SCAPER: variants seen among roughly 807,000 people sequenced by gnomAD.
The protein encoded by SCAPER is S-phase cyclin A associated protein in the ER.
SCAPER carries 98 observed loss-of-function variants against 182.2 expected under a neutral mutation model. The ratio of observed to expected loss-of-function variants is 0.54; its 90% CI spans 0.46 to 0.64. The LOEUF (loss-of-function observed/expected upper bound fraction) is 0.64. SCAPER is among the 30% of genes least tolerant of loss of function. The pLI is 0.00. For synonymous variants in SCAPER, 605 were observed against 564.6 expected, an observed-to-expected ratio of 1.07 and a Z score of -1.01; for missense variants, 1,432 against 1,690.0, an observed-to-expected ratio of 0.85 and a Z score of 2.68.
At chr15:76,890,615 C>A (rs1275740670) in intron 1 of SCAPER, among the ~76,000 whole-genome samples, 1 of 152,080 alleles carries the variant, frequency 6.6e-6, no homozygotes, top group Non-Finnish European at 1.5e-5. Context: ...AAGACTAAAC[C>A]AGGAAGAAGC....
At chr15:76,768,529 AG>A (rs1486673507) in intron 10 of SCAPER, among the ~76,000 whole-genome samples, 1 of 152,172 alleles carries the variant, frequency 6.6e-6, no homozygotes, top group East Asian at 1.9e-4. Flanking sequence ...CAGGTGTGGG[AG>A]GAGTGAAAGG....
intron 26 of SCAPER, among the ~76,000 whole-genome samples, chr15:76,411,614 G>C (rs541397663): frequency 6.6e-6 from 1 of 152,080 alleles, no homozygotes; most frequent in Non-Finnish European, 1.5e-5. Context: ...TTGTGAACAT[G>C]TGTTTTCATT....
chr15:76,453,386 C>G (rs897161650), intron 25 of SCAPER, among the ~76,000 whole-genome samples: 2 of 152,170 alleles, frequency 1.3e-5, no homozygotes, highest in Non-Finnish European at 2.9e-5. Flanking sequence ...TGTCATGTCT[C>G]TTATTACTAC....
At position 76,669,825 on chromosome 15, in the gene SCAPER, A is replaced by G. The variant is rs2056885824; in HGVS notation, c.2509-4036T>C. ...CTCCGACATGTGATTTGATCACTACACTGAGGAAAAGAAATATTCTAAATG... is the reference window on the plus strand; with the variant it reads ...CTCCGACATGTGATTTGATCACTACGCTGAGGAAAAGAAATATTCTAAATG... On this transcript the variant is annotated intron_variant, in intron 20 of 31. Coordinates refer to ENST00000563290, the MANE Select transcript of SCAPER (RefSeq NM_020843.4). Among the ~76,000 whole-genome samples the G allele has an allele frequency of 2.6e-5, 4 of 152,200 alleles. No individual in the cohort carries two copies. The South Asian group carries it at 8.3e-4, about 32-fold the overall frequency.
intron 8 of SCAPER, among the ~76,000 whole-genome samples, chr15:76,791,495 C>G (rs936772913): frequency 6.6e-6 from 1 of 151,982 alleles, no homozygotes; most frequent in Admixed American, 6.6e-5. Context: ...CTGGCAGAAA[C>G]CAGCATTCCC....
intron 21 of SCAPER, among the ~76,000 whole-genome samples, chr15:76,655,009 A>G (rs113957933): frequency 1.8e-4 from 27 of 152,338 alleles, no homozygotes; most frequent in African/African-American, 6.5e-4. Flanking sequence ...TCTTACCTCA[A>G]AACAACAGCA....
intron 21 of SCAPER, among the ~76,000 whole-genome samples, chr15:76,659,287 T>TA: frequency 6.6e-6 from 1 of 152,102 alleles, no homozygotes; most frequent in Non-Finnish European, 1.5e-5. Flanking sequence ...CTTTTTTTTT[T>TA]AAAGTCAGGG....
intron 14 of SCAPER, among the ~76,000 whole-genome samples, chr15:76,758,158 T>A (rs1190099415): frequency 1.3e-5 from 2 of 152,164 alleles, no homozygotes; most frequent in African/African-American, 4.8e-5. Flanking sequence ...TTCAAAAAAT[T>A]ATCACCAAGA....
At chr15:76,745,802 C>G (rs2151142035) in intron 15 of SCAPER, among the ~76,000 whole-genome samples, 1 of 152,246 alleles carries the variant, frequency 6.6e-6, no homozygotes, top group Admixed American at 6.5e-5. Flanking sequence ...GACAAAATAT[C>G]ACAAAATGAG....
At chr15:76,369,142 T>C (rs771323917) in intron 29 of SCAPER, among the ~76,000 whole-genome samples, 2 of 152,208 alleles carry the variant, frequency 1.3e-5, no homozygotes, top group African/African-American at 2.4e-5. Context: ...ATAGACTAAA[T>C]GGTGGCAAAT....
chr15:76,849,566 C>T (rs1053750806), intron 4 of SCAPER, among the ~76,000 whole-genome samples: 25 of 152,222 alleles, frequency 1.6e-4, no homozygotes, highest in African/African-American at 6.0e-4. Flanking sequence ...AGCCTGGGAG[C>T]GTCAAGCCAC....
chr15:76,568,514 C>A (rs547055931), intron 23 of SCAPER, among the ~76,000 whole-genome samples: 1 of 151,936 alleles, frequency 6.6e-6, no homozygotes, highest in African/African-American at 2.4e-5. Flanking sequence ...CACCACCACA[C>A]CTGGCTAATT....
intron 2 of SCAPER, among the ~76,000 whole-genome samples, chr15:76,876,522 G>A (rs1375938319): frequency 6.6e-6 from 1 of 150,602 alleles, no homozygotes; most frequent in African/African-American, 2.4e-5. Context: ...TCAGATATGA[G>A]AACACCACCA....
At chr15:76,724,745 C>T (rs575412877) in intron 17 of SCAPER, among the ~76,000 whole-genome samples, 7 of 152,274 alleles carry the variant, frequency 4.6e-5, no homozygotes, top group Admixed American at 2.0e-4. Context: ...GCATTTGTCA[C>T]GTAGTTCTCG....
intron 25 of SCAPER, among the ~76,000 whole-genome samples, chr15:76,461,688 GT>G (rs2049191025): frequency 6.6e-6 from 1 of 151,876 alleles, no homozygotes; most frequent in Non-Finnish European, 1.5e-5. Context: ...TAATATCCTT[GT>G]TTGCTAATTC....
At chr15:76,830,605 A>T (rs2068383054) in intron 5 of SCAPER, among the ~76,000 whole-genome samples, 1 of 152,136 alleles carries the variant, frequency 6.6e-6, no homozygotes, top group South Asian at 2.1e-4. Context: ...GACGTCTCCC[A>T]GGTCTCAAGC....
At chr15:76,560,753 G>A (rs763458101) in intron 23 of SCAPER, among the ~76,000 whole-genome samples, 2 of 152,128 alleles carry the variant, frequency 1.3e-5, no homozygotes, top group Non-Finnish European at 2.9e-5. Flanking sequence ...CGACTTTGTA[G>A]TATCAAAGAA....
rs564709807 is a variant in SCAPER at position 76,754,237 on chromosome 15, A to T, written c.1726-289T>A. Among the ~76,000 whole-genome samples the T allele has an allele frequency of 2.0e-5, 3 of 152,184 alleles. No homozygotes were observed. The East Asian group carries it at 5.8e-4, about 29-fold the overall frequency. ...ATTACCTAACTCACAGGATTATTTG[A>T]AGGTTCATAAAACTCTCAGAACAGT... On this transcript the variant is annotated intron_variant, in intron 14 of 31. Coordinates refer to ENST00000563290, the MANE Select transcript of SCAPER (RefSeq NM_020843.4).
chr15:76,796,840 T>C (rs923269824), intron 7 of SCAPER, among the ~76,000 whole-genome samples: 3 of 152,230 alleles, frequency 2.0e-5, no homozygotes, highest in Non-Finnish European at 4.4e-5. Context: ...GGTTCAATTA[T>C]TAAATGGTTC....
Sources: allele counts gnomAD v4.1 joint callset (sites outside exome capture counted in the v4.1 genomes callset), GRCh38; gene constraint gnomAD v4.1.1; transcripts MANE v1.5; gene names NCBI Gene and HGNC (gene_info 2026-07-23, HGNC 2026-07-21).